The following NEK7 variants were observed in gnomAD, a reference collection of about 807,000 sequenced individuals.
NEK7 encodes serine/threonine-protein kinase Nek7.
A neutral mutation model predicts 44.6 loss-of-function variants in NEK7; 18 were observed. The observed-to-expected ratio is 0.40, with a 90% CI of 0.28 to 0.60. The LOEUF (loss-of-function observed/expected upper bound fraction) is 0.60, where lower values mean the gene tolerates loss of function less well. Among genes scored for constraint, NEK7 ranks in the 20% least tolerant of loss-of-function variants. The pLI, the probability that NEK7 is intolerant of heterozygous loss-of-function variation, is 0.38. For missense variants in NEK7, 256 were observed against 366.5 expected, an observed-to-expected ratio of 0.70 and a Z score of 2.46; for synonymous variants, 130 against 121.1, an observed-to-expected ratio of 1.07 and a Z score of -0.48.
intron 1 of NEK7, among the ~76,000 whole-genome samples, chr1:198,210,741 C>CCT (rs1665739912): frequency 3.5e-5 from 2 of 57,542 alleles, no homozygotes; most frequent in African/African-American, 1.5e-4. Flanking sequence ...ATTTGTATTT[C>CCT]TTTTTTTTTT....
intron 9 of NEK7, among the ~76,000 whole-genome samples, chr1:198,302,194 T>A (rs970152939): frequency 3.3e-5 from 5 of 152,178 alleles, no homozygotes; most frequent in African/African-American, 1.2e-4. Flanking sequence ...CTCAAAAAAA[T>A]TAACCCATAA....
chr1:198,210,756 T>C (rs1230455705), intron 1 of NEK7, among the ~76,000 whole-genome samples: 3 of 127,970 alleles, frequency 2.3e-5, no homozygotes, highest in Non-Finnish European at 3.3e-5. Flanking sequence ...TTTTTTTTTT[T>C]TTTTTTTTTT....
At chr1:198,284,616 G>A (rs540019506) in intron 7 of NEK7, among the ~76,000 whole-genome samples, 6 of 152,078 alleles carry the variant, frequency 3.9e-5, no homozygotes, top group Admixed American at 2.0e-4. Context: ...TTCTCGTATC[G>A]TAAGAGGCAA....
At chr1:198,272,513 C>T (rs1653885792) in intron 5 of NEK7, among the ~76,000 whole-genome samples, 1 of 151,778 alleles carries the variant, frequency 6.6e-6, no homozygotes, top group African/African-American at 2.4e-5. Flanking sequence ...CTTCAACTCT[C>T]TTAGTGTTGT....
chr1:198,231,166 T>C (rs3861919), intron 1 of NEK7, among the ~76,000 whole-genome samples: 21,844 of 150,400 alleles, frequency 0.15, 2,089 homozygotes, highest in South Asian at 0.25. Flanking sequence ...AATAGTACAG[T>C]GTAGTAGGTA....
intron 1 of NEK7, among the ~76,000 whole-genome samples, chr1:198,187,124 T>C (rs1256563335): frequency 6.6e-6 from 1 of 152,204 alleles, no homozygotes; most frequent in Non-Finnish European, 1.5e-5. Flanking sequence ...TGAATTCCAC[T>C]GTCAGGGAAA....
intron 1 of NEK7, among the ~76,000 whole-genome samples, chr1:198,180,888 CTA>C (rs1349075990): frequency 1.3e-5 from 2 of 152,004 alleles, no homozygotes; most frequent in Non-Finnish European, 2.9e-5. Context: ...GAAAAACTGT[CTA>C]TAAAATGCTT....
At chr1:198,280,282 A>G (rs1224136977) in intron 7 of NEK7, among the ~76,000 whole-genome samples, 1 of 152,102 alleles carries the variant, frequency 6.6e-6, no homozygotes, top group African/African-American at 2.4e-5. Context: ...ATTTATCACT[A>G]GTAGATAGCA....
chr1:198,230,553 A>G (rs1199851503), intron 1 of NEK7, among the ~76,000 whole-genome samples: 1 of 152,102 alleles, frequency 6.6e-6, no homozygotes, highest in Non-Finnish European at 1.5e-5. Context: ...TCTATAAAAA[A>G]TGTATAGCTA....
At chr1:198,207,264 T>C (rs540099739) in intron 1 of NEK7, 51 of 152,300 alleles carry the variant, frequency 3.3e-4, no homozygotes, top group African/African-American at 1.2e-3. Context: ...ACTTTCATTC[T>C]CTATGTTTTA....
At chr1:198,257,192 A>G (rs1292957450) in intron 3 of NEK7, among the ~76,000 whole-genome samples, 3 of 152,202 alleles carry the variant, frequency 2.0e-5, no homozygotes, top group African/African-American at 7.2e-5. Flanking sequence ...ATGTATTTAT[A>G]CAAATAAACA....
chr1:198,263,949 T>A (rs1653565920), intron 4 of NEK7, among the ~76,000 whole-genome samples, 176 bp from the exon 5 acceptor site: 1 of 152,018 alleles, frequency 6.6e-6, no homozygotes. Context: ...ATACCTAGTT[T>A]TACTTTTAAT....
At chr1:198,277,693 A>T (rs1654058330) in intron 5 of NEK7, 1 of 256,548 alleles carries the variant, frequency 3.9e-6, no homozygotes, top group Non-Finnish European at 7.4e-6. Flanking sequence ...AAATTGTTTT[A>T]TATAGATGTT....
chr1:198,314,349 AG>A (rs954350259), intron 9 of NEK7, among the ~76,000 whole-genome samples: 7 of 152,040 alleles, frequency 4.6e-5, no homozygotes, highest in Admixed American at 6.5e-5. Context: ...TTTTTTTCAA[AG>A]TTTTCAACTT....
chr1:198,237,893 A>G (rs1211510408), intron 2 of NEK7, among the ~76,000 whole-genome samples: 1 of 152,116 alleles, frequency 6.6e-6, no homozygotes, highest in Non-Finnish European at 1.5e-5. Flanking sequence ...TTCTCCATAG[A>G]ATGTATCACC....
chr1:198,182,250 A>G (rs1052482412), intron 1 of NEK7, among the ~76,000 whole-genome samples: 5 of 152,208 alleles, frequency 3.3e-5, no homozygotes, highest in Non-Finnish European at 7.3e-5. Flanking sequence ...GTGTTCTTGC[A>G]CATACATTAA....
chr1:198,211,861 A>G lies in NEK7; in HGVS notation c.-28-20692A>G, dbSNP rs191162043. On this transcript the variant is annotated intron_variant, in intron 1 of 9. Coordinates refer to ENST00000367385, the MANE Select transcript of NEK7 (RefSeq NM_133494.3). ...ACAGGAAAACTGAAAGAAACCACAG[A>G]CCTTTTGAAAGACGCAGTGGACAGT... Among the ~76,000 whole-genome samples, 451 of 152,312 alleles carry G rather than the reference A, an allele frequency of 3.0e-3. 1 individual carries two copies. Among genetic ancestry groups the G allele is most frequent in the Non-Finnish European group, 2.2e-3 (150 of 68,010 alleles).
intron 9 of NEK7, among the ~76,000 whole-genome samples, chr1:198,308,881 C>A (rs1655091497): frequency 1.3e-5 from 2 of 152,142 alleles, no homozygotes; most frequent in African/African-American, 4.8e-5. Flanking sequence ...TTGCTTCAAA[C>A]CTCAGCTCAG....
chr1:198,289,046 C>G (rs1030542424), intron 7 of NEK7, among the ~76,000 whole-genome samples: 4 of 152,090 alleles, frequency 2.6e-5, no homozygotes, highest in Admixed American at 1.3e-4. Context: ...AATTTGGCCT[C>G]TCTCCATTCT....
Sources: gnomAD v4.1 joint callset for allele counts (sites outside exome capture counted in the v4.1 genomes callset) on GRCh38, gnomAD v4.1.1 for gene constraint, MANE v1.5 for transcripts, NCBI Gene and HGNC (gene_info 2026-07-23, HGNC 2026-07-21) for gene names.